The following USP3 variants were observed in gnomAD, a reference collection of about 807,000 sequenced individuals.
USP3 encodes ubiquitin carboxyl-terminal hydrolase 3.
Under a neutral mutation model 72.3 loss-of-function variants are expected in USP3, and 20 were observed. The observed-to-expected ratio is 0.28, with a 90% CI of 0.19 to 0.40. The LOEUF (loss-of-function observed/expected upper bound fraction) is 0.40, where lower values mean the gene tolerates loss of function less well. Among genes scored for constraint, USP3 ranks in the 10% least tolerant of loss-of-function variants. The pLI is 1.00. For synonymous variants in USP3, 222 were observed against 225.3 expected, an observed-to-expected ratio of 0.99 and a Z score of 0.13; for missense variants, 479 against 633.9, an observed-to-expected ratio of 0.76 and a Z score of 2.62.
chr15:63,531,922 G>T (rs1168543248), intron 1 of USP3, among the ~76,000 whole-genome samples: 1 of 152,074 alleles, frequency 6.6e-6, no homozygotes, highest in African/African-American at 2.4e-5. Flanking sequence ...TAGAACATAG[G>T]TGTTTTCAAA....
At chr15:63,530,672 A>G (rs1157775066) in intron 1 of USP3, 1 of 398,184 alleles carries the variant, frequency 2.5e-6, no homozygotes, top group Admixed American at 3.1e-5. Context: ...AAATATTCAT[A>G]ATATCTCAGT....
In USP3 at chr15:63,590,813, C is replaced by T. The variant is rs942536227; in HGVS notation, c.1550C>T (p.Ser517Leu). ...FYVEHQAKAG[S>L]DKL is the part of the protein sequence containing the mutation. Reference sequence around the variant, plus strand: ...GTGGAACACCAGGCCAAAGCTGGATCGGATAAACTTTAATACCTCCTCCAA... The same window carrying T: ...GTGGAACACCAGGCCAAAGCTGGATTGGATAAACTTTAATACCTCCTCCAA... Residue 517 changes from serine to leucine, a missense_variant, in exon 15 of 15, where the codon TCG (serine) becomes TTG (leucine). Coordinates refer to ENST00000380324, the MANE Select transcript of USP3 (RefSeq NM_006537.4). 18 of 1,612,096 alleles carry T rather than the reference C, an allele frequency of 1.1e-5. No individual in the cohort carries two copies. Among genetic ancestry groups the T allele is most frequent in the African/African-American group, 1.3e-5 (1 of 74,820 alleles).
chr15:63,531,816 A>G (rs183957255), intron 1 of USP3, among the ~76,000 whole-genome samples: 2 of 152,244 alleles, frequency 1.3e-5, no homozygotes, highest in Admixed American at 1.3e-4. Flanking sequence ...GTGGCTCCCA[A>G]GGGGCTGTAT....
At chr15:63,508,679 A>G (rs2065745041) in intron 1 of USP3, among the ~76,000 whole-genome samples, 1 of 152,326 alleles carries the variant, frequency 6.6e-6, no homozygotes, top group East Asian at 1.9e-4. Context: ...GAGTTTAACC[A>G]GTGGGAAAAA....
In USP3 at chr15:63,590,732, T is replaced by TAACA; in HGVS notation, c.1470_1473dup (p.Leu492AsnfsTer4). ...TGGTTCCACTTCAATGACAGTACTG[T>TAACA]AACACTGACTGACGAGGAGACTGTG... On this transcript the variant is annotated frameshift_variant, in exon 15 of 15. Transcript: ENST00000380324. LOFTEE classifies it high-confidence loss of function. 1 of 1,614,162 alleles carries TAACA rather than the reference T, an allele frequency of 6.2e-7. No homozygotes were observed. Among genetic ancestry groups the TAACA allele is most frequent in the Non-Finnish European group, 8.5e-7 (1 of 1,179,996 alleles).
intron 1 of USP3, among the ~76,000 whole-genome samples, chr15:63,513,918 G>A (rs6494408): frequency 6.6e-6 from 1 of 152,076 alleles, no homozygotes; most frequent in African/African-American, 2.4e-5. Context: ...GAGCAACAAT[G>A]GTACAAATTG....
intron 5 of USP3, 75 bp downstream of exon 5, chr15:63,556,823 T>C: frequency 2.0e-6 from 2 of 995,358 alleles, no homozygotes; most frequent in Non-Finnish European, 3.0e-6. Context: ...CTCTAACATG[T>C]AATGTTACCT....
intron 11 of USP3, among the ~76,000 whole-genome samples, chr15:63,579,362 A>G (rs1212114500): frequency 6.6e-6 from 1 of 152,258 alleles, no homozygotes; most frequent in Non-Finnish European, 1.5e-5. Context: ...GAAACATAGC[A>G]GTGGGATAGG....
intron 8 of USP3, among the ~76,000 whole-genome samples, chr15:63,566,890 AAAC>A (rs1216491113): frequency 1.3e-5 from 2 of 152,208 alleles, no homozygotes; most frequent in Non-Finnish European, 2.9e-5. Context: ...ATTTTGGCCA[AAAC>A]AACAACTTTA....
rs1595780947 is a variant in USP3, at chr15:63,588,533, G to A, written c.1215+110G>A. 2.5e-5 allele frequency: 26 copies of A among 1,021,462 alleles called. No individual in the cohort carries two copies. In the East Asian group the frequency reaches 6.2e-4, roughly 24 times the overall value. 63.3% of individuals were successfully genotyped at this position (1,021,462 alleles called of 1,614,324 possible). A position where few individuals can be genotyped will look rare whatever the true frequency, so the allele number is the denominator to read the frequency against. ...TGAACTGTTCTGTATTTTTCTCTAG[G>A]ATTTTCAGTAAAAGCTAAACCCCTT... On this transcript the variant is annotated intron_variant, in intron 12 of 14. Transcript: ENST00000380324. The surrounding 1 kb of genome is among the most constrained non-coding windows in gnomAD (Gnocchi z 4.6).
intron 5 of USP3, 194 bp downstream of exon 5, chr15:63,556,942 C>T (rs924448807): frequency 8.2e-6 from 4 of 489,450 alleles, no homozygotes; most frequent in African/African-American, 3.9e-5. Flanking sequence ...TCTGTCAGCA[C>T]CTTCTTCCCA....
intron 5 of USP3, among the ~76,000 whole-genome samples, chr15:63,557,220 A>C (rs891806572): frequency 1.3e-4 from 20 of 150,924 alleles, no homozygotes; most frequent in African/African-American, 4.9e-4. Flanking sequence ...ACAGGTGTAC[A>C]CCACCACGCC....
At chr15:63,584,910 TG>T (rs1219813271) in intron 11 of USP3, among the ~76,000 whole-genome samples, 2 of 152,126 alleles carry the variant, frequency 1.3e-5, no homozygotes, top group Non-Finnish European at 2.9e-5. Flanking sequence ...TTAAGACCTT[TG>T]ATCTATTTAA....
chr15:63,540,206 C>T (rs901322699), intron 3 of USP3, among the ~76,000 whole-genome samples: 2 of 152,146 alleles, frequency 1.3e-5, no homozygotes, highest in South Asian at 4.1e-4. Flanking sequence ...CCCTGCTTTC[C>T]CCTTGCCAAT....
intron 3 of USP3, among the ~76,000 whole-genome samples, chr15:63,538,448 T>C (rs969473417): frequency 6.6e-6 from 1 of 152,154 alleles, no homozygotes; most frequent in Non-Finnish European, 1.5e-5. Context: ...ACTGAAATGG[T>C]GTGAGAATCC....
intron 11 of USP3, among the ~76,000 whole-genome samples, chr15:63,581,550 A>ATT (rs56376454): frequency 1.0e-4 from 11 of 107,476 alleles, no homozygotes; most frequent in South Asian, 2.9e-4. Flanking sequence ...CACCCGGCTA[A>ATT]TTTTTTTTTT....
At position 63,558,118 on chromosome 15, in the gene USP3, G is replaced by A. The variant is rs1411718327; in HGVS notation, c.463G>A (p.Ala155Thr). Residue 155 changes from alanine to threonine, a missense_variant, in exon 6 of 15, where the codon GCC (alanine) becomes ACC (threonine). Ala to Thr is a moderately conservative substitution (Grantham distance 58). Coordinates refer to ENST00000380324, the MANE Select transcript of USP3 (RefSeq NM_006537.4). ...KLLKVNGSTT[A>T]ICATGLRNLG... ...GCACCACTTACAGGGAAGCACCACTGCCATTTGTGCCACAGGCCTTCGGAA... is the reference window on the plus strand; with the variant it reads ...GCACCACTTACAGGGAAGCACCACTACCATTTGTGCCACAGGCCTTCGGAA... The A allele has an allele frequency of 6.2e-7, 1 of 1,614,120 alleles. No homozygotes were observed. The highest frequency in any genetic ancestry group is 1.6e-4 in the Middle Eastern group (1 of 6,062).
chr15:63,588,297 T>C lies in USP3; in HGVS notation c.1097-8T>C, dbSNP rs760899136. On this transcript the variant is annotated splice_polypyrimidine_tract_variant and splice_region_variant and intron_variant, in intron 11 of 14. Coordinates refer to ENST00000380324, the MANE Select transcript of USP3 (RefSeq NM_006537.4). This position sits in a 1 kb window ranked among gnomAD's most constrained non-coding sequence, Gnocchi z 4.6. ...TTGTTTTAATGCTGCCAAAATCAAT[T>C]TGTTTAGATTGTCTTCGCAGTTTTA... 2.5e-6 allele frequency: 4 copies of C among 1,582,104 alleles called. No individual in the cohort carries two copies. The highest frequency in any genetic ancestry group is 3.4e-6 in the Non-Finnish European group (4 of 1,168,826).
intron 5 of USP3, 65 bp from the exon 6 acceptor site, chr15:63,558,041 T>C (rs2066541559): frequency 3.8e-6 from 6 of 1,565,904 alleles, no homozygotes; most frequent in Admixed American, 1.7e-5. Flanking sequence ...TTCCTTAGCT[T>C]TGATGTTTGA....
Sources: gnomAD v4.1 joint callset for allele counts (sites outside exome capture counted in the v4.1 genomes callset) on GRCh38, gnomAD v4.1.1 for gene constraint, Gnocchi (gnomAD v3.1) non-coding constraint, MANE v1.5 for transcripts, NCBI Gene and HGNC (gene_info 2026-07-23, HGNC 2026-07-21) for gene names.